Variants in ZBTB10 observed in about 807,000 individuals in gnomAD.
ZBTB10 encodes the protein zinc finger and BTB domain containing 10.
A neutral mutation model predicts 76.4 loss-of-function variants in ZBTB10; 32 were observed. The observed-to-expected ratio is 0.42, with a 90% CI of 0.32 to 0.56. ZBTB10 has a LOEUF of 0.56. Ranked by LOEUF, ZBTB10 falls within the 20% of genes least tolerant of loss-of-function variation. The pLI, the probability that ZBTB10 is intolerant of heterozygous loss-of-function variation, is 0.14. For missense variants in ZBTB10, 1,057 were observed against 1,098.5 expected, an observed-to-expected ratio of 0.96 and a Z score of 0.53; for synonymous variants, 523 against 432.9, an observed-to-expected ratio of 1.21 and a Z score of -2.58.
intron 5 of ZBTB10, 128 bp from the exon 6 acceptor site, chr8:80,519,095 A>G: frequency 2.9e-6 from 4 of 1,399,896 alleles, no homozygotes; most frequent in South Asian, 3.0e-5. Flanking sequence ...TTATGAACTG[A>G]TAGTGAGCTT....
rs1268236091 is a variant in ZBTB10, at chr8:80,487,787, A to C, written c.972+5A>C. On this transcript the variant is annotated splice_donor_5th_base_variant and intron_variant, in intron 1 of 5. Transcript: ENST00000455036. ...CTCCACGAAGCCAACGCCCAGGTAC[A>C]GTATATCCTGCTCCTACTTTTTTGA... The C allele has an allele frequency of 6.4e-7, 1 of 1,570,330 alleles. No individual in the cohort carries two copies.
Position 80,519,579 on chromosome 8 carries a change from G to A in ZBTB10, c.*51G>A, listed in dbSNP as rs1391800513. ...GCTGCATTTGGACCTAATATGAATC[G>A]ACAATTTGGATTGTTGAACTTGAAG... is the stretch of plus-strand genomic sequence containing the variant. On this transcript the variant is annotated 3_prime_UTR_variant, in exon 6 of 6. Transcript: ENST00000455036. The A allele has an allele frequency of 3.3e-6, 5 of 1,503,008 alleles. No homozygotes were observed. Among genetic ancestry groups the A allele is most frequent in the Non-Finnish European group, 4.5e-6 (5 of 1,116,192 alleles). The allele number at this position is 1,503,008 out of a possible 1,614,324, so 93.1% of individuals were successfully genotyped here. A position where few individuals can be genotyped will look rare whatever the true frequency, so the allele number is the denominator to read the frequency against.
intron 3 of ZBTB10, among the ~76,000 whole-genome samples, chr8:80,516,589 A>G (rs1816331130): frequency 6.6e-6 from 1 of 152,182 alleles, no homozygotes; most frequent in Admixed American, 6.5e-5. Flanking sequence ...CTTACTCCCA[A>G]ACACTAATTA....
Position 80,521,107 on chromosome 8 carries a change from TG to T in ZBTB10, c.*1580del, listed in dbSNP as rs1816439612. The T allele has an allele frequency of 6.6e-6, 1 of 151,990 alleles. No homozygotes were observed. Among genetic ancestry groups the T allele is most frequent in the Admixed American group, 6.6e-5 (1 of 15,258 alleles). The allele number at this position is 151,990 out of a possible 1,614,324, so 9.4% of individuals were successfully genotyped here. The stretch of plus-strand genomic sequence containing the variant: ...CATCTGATCAAAGTTGAAAAGTTGA[TG>T]TTTTTTAAGAGACAAGCTTTATCAT... On this transcript the variant is annotated 3_prime_UTR_variant, in exon 6 of 6. Transcript: ENST00000455036.
intron 2 of ZBTB10, among the ~76,000 whole-genome samples, chr8:80,511,710 T>TA (rs1410104626): frequency 6.6e-6 from 1 of 152,192 alleles, no homozygotes; most frequent in African/African-American, 2.4e-5. Flanking sequence ...TTCAATTAAA[T>TA]ATTTTCAGTT....
chr8:80,487,359 C>A lies in ZBTB10; in HGVS notation c.549C>A (p.Ser183Arg). The change falls in exon 1 of 6, where the codon AGC (serine) becomes AGA (arginine). Residue 183 changes from serine to arginine, a missense_variant. Around this residue, in one of 5 missense-constraint regions of ZBTB10, gnomAD observed 556 missense variants for 451.7 expected, o/e 1.23. Transcript: ENST00000455036. ...LMQDGASLSD[S>R]TEDEEEGASL... ...AGGACGGCGCGTCCCTGAGCGACAGCACCGAGGACGAGGAGGAGGGGGCGA... is the reference window on the plus strand; with the variant it reads ...AGGACGGCGCGTCCCTGAGCGACAGAACCGAGGACGAGGAGGAGGGGGCGA... 4 of 1,528,776 alleles carry A rather than the reference C, an allele frequency of 2.6e-6. No individual in the cohort carries two copies. Among genetic ancestry groups the A allele is most frequent in the Non-Finnish European group, 3.5e-6 (4 of 1,134,944 alleles). The allele number at this position is 1,528,776 out of a possible 1,614,324, so 94.7% of individuals were successfully genotyped here. A position where few individuals can be genotyped will look rare whatever the true frequency, so the allele number is the denominator to read the frequency against.
At chr8:80,493,667 C>CAAA (rs113190537) in intron 1 of ZBTB10, among the ~76,000 whole-genome samples, 10 of 130,444 alleles carry the variant, frequency 7.7e-5, no homozygotes, top group African/African-American at 1.7e-4. Context: ...AAAAACAAAA[C>CAAA]AAAAAAAAAA....
chr8:80,519,821 T>G lies in ZBTB10; in HGVS notation c.*293T>G, dbSNP rs781119132. 1.1e-4 allele frequency: 26 copies of G among 241,140 alleles called. No homozygotes were observed. The highest frequency in any genetic ancestry group is 1.8e-4 in the Non-Finnish European group (22 of 122,778). 14.9% of individuals were successfully genotyped at this position (241,140 alleles called of 1,614,324 possible). ...ATATACAGTAACTATTTGGGTCCTA[T>G]GAAAATAGTCCTTAAAGAGCTTACA... On this transcript the variant is annotated 3_prime_UTR_variant, in exon 6 of 6. Coordinates refer to ENST00000455036, the MANE Select transcript of ZBTB10 (RefSeq NM_001105539.3).
At chr8:80,491,926 G>C (rs975037425) in intron 1 of ZBTB10, among the ~76,000 whole-genome samples, 8 of 152,210 alleles carry the variant, frequency 5.3e-5, no homozygotes, top group African/African-American at 1.9e-4. Context: ...AATGAATTCA[G>C]ACCAGTGATC....
intron 1 of ZBTB10, among the ~76,000 whole-genome samples, chr8:80,488,435 G>C (rs1187510229): frequency 6.6e-6 from 1 of 152,068 alleles, no homozygotes; most frequent in Non-Finnish European, 1.5e-5. Context: ...GTTTTTACTT[G>C]TTTACTTTTA....
At position 80,525,524 on chromosome 8, in the gene ZBTB10, C is replaced by T. The variant is rs1816544576; in HGVS notation, c.*5996C>T. ...ACAGTCTTCTTGGCGCAGGTCCTAA[C>T]AGTTGGTGAGATAATACATAAGATG... is the stretch of plus-strand genomic sequence containing the variant. On this transcript the variant is annotated 3_prime_UTR_variant, in exon 6 of 6. Coordinates refer to ENST00000455036, the MANE Select transcript of ZBTB10 (RefSeq NM_001105539.3). 6.6e-6 allele frequency: 1 copy of T among 152,068 alleles called. No individual in the cohort carries two copies. The highest frequency in any genetic ancestry group is 1.5e-5 in the Non-Finnish European group (1 of 67,994). The allele number at this position is 152,068 out of a possible 1,614,324, so 9.4% of individuals were successfully genotyped here.
intron 1 of ZBTB10, 58 bp downstream of exon 1, chr8:80,487,840 C>T: frequency 6.7e-7 from 1 of 1,493,602 alleles, no homozygotes; most frequent in Non-Finnish European, 8.9e-7. Context: ...TTTATCAGCA[C>T]TCCCTTCACC....
At chr8:80,517,062 A>G (rs764805166) in intron 3 of ZBTB10, among the ~76,000 whole-genome samples, 2 of 152,186 alleles carry the variant, frequency 1.3e-5, no homozygotes, top group Non-Finnish European at 2.9e-5. Flanking sequence ...CTGAAAGGAA[A>G]GGGTGGTTGG....
intron 1 of ZBTB10, among the ~76,000 whole-genome samples, chr8:80,493,671 A>AC (rs377766976): frequency 7.5e-5 from 10 of 133,786 alleles, no homozygotes; most frequent in Non-Finnish European, 1.0e-4. Context: ...ACAAAACAAA[A>AC]AAAAAAAACC....
chr8:80,498,789 G>A (rs1227376378), intron 1 of ZBTB10, among the ~76,000 whole-genome samples: 1 of 152,142 alleles, frequency 6.6e-6, no homozygotes, highest in Admixed American at 6.5e-5. Flanking sequence ...TGTATGATAA[G>A]AAGCAAAATT....
In ZBTB10 at chr8:80,524,398, T is replaced by G. The variant is rs1324378386; in HGVS notation, c.*4870T>G. The G allele has an allele frequency of 2.6e-5, 4 of 152,064 alleles. No homozygotes were observed. The highest frequency in any genetic ancestry group is 5.9e-5 in the Non-Finnish European group (4 of 67,946). The allele number at this position is 152,064 out of a possible 1,614,324, so 9.4% of individuals were successfully genotyped here. A position where few individuals can be genotyped will look rare whatever the true frequency, so the allele number is the denominator to read the frequency against. On this transcript the variant is annotated 3_prime_UTR_variant, in exon 6 of 6. Coordinates refer to ENST00000455036, the MANE Select transcript of ZBTB10 (RefSeq NM_001105539.3). The stretch of plus-strand genomic sequence containing the variant: ...CCCTGTAATTTACATTTGTGCATAA[T>G]CTTGGAAATGGGTTGAAAAGCAAAG...
In ZBTB10 at chr8:80,523,767, G is replaced by A. The variant is rs760709650; in HGVS notation, c.*4239G>A. ...GGGTACTTAAATTTGGAGTACACTA[G>A]CTATTGAGAACAATATTTTGGGTTG... On this transcript the variant is annotated 3_prime_UTR_variant, in exon 6 of 6. Transcript: ENST00000455036. 6.6e-6 allele frequency: 1 copy of A among 151,998 alleles called. No homozygotes were observed. Among genetic ancestry groups the A allele is most frequent in the African/African-American group, 2.4e-5 (1 of 41,526 alleles). The allele number at this position is 151,998 out of a possible 1,614,324, so 9.4% of individuals were successfully genotyped here.
At chr8:80,486,059 C>CCCCAGGCCGGAGGCGCAG (rs1389087630), upstream of ZBTB10, 3 of 1,059,810 alleles carry the variant, frequency 2.8e-6, no homozygotes, top group Admixed American at 3.6e-5. Flanking sequence ...GCACCCCCGC[C>CCCCAGGCCGGAGGCGCAG]CCCAGGCCGG....
chr8:80,519,434 A>G lies in ZBTB10; in HGVS notation c.2522A>G (p.Glu841Gly). The change falls in exon 6 of 6, where the codon GAA becomes GGA. Residue 841 changes from glutamate to glycine, a missense_variant. Coordinates refer to ENST00000455036, the MANE Select transcript of ZBTB10 (RefSeq NM_001105539.3). ...DEEYEENEVG[E>G]ADEELVDDGE... ...GAATACGAGGAGAATGAAGTAGGAG[A>G]AGCTGATGAAGAGCTAGTTGATGAT... The G allele has an allele frequency of 6.2e-7, 1 of 1,612,608 alleles. No homozygotes were observed. Among genetic ancestry groups the G allele is most frequent in the Non-Finnish European group, 8.5e-7 (1 of 1,179,362 alleles).
Sources: allele counts gnomAD v4.1 joint callset (sites outside exome capture counted in the v4.1 genomes callset), GRCh38; gene constraint gnomAD v4.1.1; regional missense constraint gnomAD v4.1.1; transcripts MANE v1.5; gene names NCBI Gene and HGNC (gene_info 2026-07-23, HGNC 2026-07-21).